Variants in GALNT18 observed in about 807,000 individuals in gnomAD.
The protein encoded by GALNT18 is polypeptide N-acetylgalactosaminyltransferase 18.
GALNT18 carries 44 observed loss-of-function variants against 69.5 expected under a neutral mutation model. That is an observed-to-expected ratio of 0.63 (90% CI 0.50 to 0.81). The LOEUF is 0.81. GALNT18 is among the 40% of genes least tolerant of loss of function. The pLI is 0.00. For synonymous variants in GALNT18, 364 were observed against 318.2 expected, an observed-to-expected ratio of 1.14 and a Z score of -1.53; for missense variants, 715 against 810.0, an observed-to-expected ratio of 0.88 and a Z score of 1.42.
At chr11:11,568,186 G>A (rs573021532) in intron 1 of GALNT18, among the ~76,000 whole-genome samples, 5 of 152,312 alleles carry the variant, frequency 3.3e-5, no homozygotes, top group African/African-American at 4.8e-5. Context: ...CACAGCCAAC[G>A]CACAGCCCAG....
intron 3 of GALNT18, among the ~76,000 whole-genome samples, chr11:11,406,140 T>C (rs1184036107): frequency 6.6e-6 from 1 of 152,208 alleles, no homozygotes; most frequent in African/African-American, 2.4e-5. Context: ...TTAATAAAAA[T>C]ATATCTGTGA....
intron 9 of GALNT18, among the ~76,000 whole-genome samples, chr11:11,325,148 A>G (rs572908346): frequency 1.3e-5 from 2 of 152,264 alleles, no homozygotes; most frequent in Non-Finnish European, 1.5e-5. Flanking sequence ...AATGTGGTAT[A>G]TATTCATCAT....
intron 10 of GALNT18, among the ~76,000 whole-genome samples, chr11:11,284,402 A>G (rs72859269): frequency 0.16 from 24,175 of 152,044 alleles, 2,072 homozygotes; most frequent in East Asian, 0.22. Flanking sequence ...AGGCCTGAAA[A>G]TGTGCCTTTT....
intron 9 of GALNT18, among the ~76,000 whole-genome samples, chr11:11,299,893 T>C (rs1458664729): frequency 6.6e-6 from 1 of 152,176 alleles, no homozygotes; most frequent in Non-Finnish European, 1.5e-5. Context: ...GGAACTACAA[T>C]TTATGTATTT....
Position 11,388,288 on chromosome 11 carries a change from T to C in GALNT18, c.596-9024A>G, listed in dbSNP as rs540243567. Among the ~76,000 whole-genome samples, 5 of 151,812 alleles carry C rather than the reference T, an allele frequency of 3.3e-5. No homozygotes were observed. In the South Asian group the frequency reaches 1.0e-3, roughly 32 times the overall value. ...CTTAGCGGGGTCGCCAAAGCCAGGC[T>C]CTCAAAACCCACAAACACCTTCTTA... On this transcript the variant is annotated intron_variant, in intron 3 of 10. Transcript: ENST00000227756.
rs1356116535 is a variant in GALNT18 at position 11,543,701 on chromosome 11, T to C, written c.235+77658A>G. Among the ~76,000 whole-genome samples the C allele has an allele frequency of 1.3e-5, 2 of 152,178 alleles. No homozygotes were observed. The highest frequency in any genetic ancestry group is 2.9e-5 in the Non-Finnish European group (2 of 68,030). ...GCGAATCCCATCCATCCCTAGGACC[T>C]AGGCTTTTACAACTGCAAAGTGAGG... On this transcript the variant is annotated intron_variant, in intron 1 of 10. Transcript: ENST00000227756. This position sits in a 1 kb window ranked among gnomAD's most constrained non-coding sequence, Gnocchi z 5.1.
intron 1 of GALNT18, among the ~76,000 whole-genome samples, chr11:11,551,397 C>T (rs1025053858): frequency 3.3e-5 from 5 of 152,208 alleles, no homozygotes; most frequent in African/African-American, 1.2e-4. Context: ...AACCCCATGA[C>T]TTCCCTTCCA....
chr11:11,325,567 GA>G (rs1381675089), intron 9 of GALNT18, among the ~76,000 whole-genome samples: 4 of 151,960 alleles, frequency 2.6e-5, no homozygotes, highest in Non-Finnish European at 5.9e-5. Context: ...GTCAACATAA[GA>G]AAATATATAT....
At chr11:11,367,262 T>C (rs577275701) in intron 6 of GALNT18, among the ~76,000 whole-genome samples, 1 of 152,064 alleles carries the variant, frequency 6.6e-6, no homozygotes, top group Non-Finnish European at 1.5e-5. Flanking sequence ...GAGCAGATAG[T>C]AAAAGGTCAT....
intron 10 of GALNT18, among the ~76,000 whole-genome samples, chr11:11,273,472 AAAGT>A (rs1416589177): frequency 6.6e-6 from 1 of 152,240 alleles, no homozygotes; most frequent in Non-Finnish European, 1.5e-5. Context: ...TTACCAGAGA[AAAGT>A]AAGCAAAAAC....
intron 3 of GALNT18, among the ~76,000 whole-genome samples, chr11:11,409,550 C>G (rs1195433470): frequency 2.6e-5 from 4 of 152,082 alleles, no homozygotes; most frequent in Admixed American, 6.6e-5. Flanking sequence ...AAAGTGAAGC[C>G]CCATGATACA....
Position 11,555,898 on chromosome 11 carries a change from C to T in GALNT18, c.235+65461G>A, listed in dbSNP as rs758634612. Among the ~76,000 whole-genome samples the T allele has an allele frequency of 1.2e-4, 19 of 152,322 alleles. No homozygotes were observed. The highest frequency in any genetic ancestry group is 2.5e-4 in the Non-Finnish European group (17 of 68,032). On this transcript the variant is annotated intron_variant, in intron 1 of 10. Coordinates refer to ENST00000227756, the MANE Select transcript of GALNT18 (RefSeq NM_198516.3). This position sits in a 1 kb window ranked among gnomAD's most constrained non-coding sequence, Gnocchi z 4.7. Reference sequence around the variant, plus strand: ...CATATCAGGAAAGAGGCTGGGGTCTCACGAGAATGCAGAGCAGGATCATCT... The same window carrying T: ...CATATCAGGAAAGAGGCTGGGGTCTTACGAGAATGCAGAGCAGGATCATCT...
At chr11:11,291,406 A>T (rs1849294032) in intron 10 of GALNT18, among the ~76,000 whole-genome samples, 1 of 152,234 alleles carries the variant, frequency 6.6e-6, no homozygotes. Context: ...TTCCTCATCT[A>T]TGAGGTCAGG....
In GALNT18 at chr11:11,347,004, C is replaced by T. The variant is rs1011627249; in HGVS notation, c.1093-6000G>A. The stretch of plus-strand genomic sequence containing the variant: ...TATGACAAGCTCCCACGAGCAAAGG[C>T]GGGCATGTAGTGGGTTCTCAGGGAG... On this transcript the variant is annotated intron_variant, in intron 6 of 10. Coordinates refer to ENST00000227756, the MANE Select transcript of GALNT18 (RefSeq NM_198516.3). The surrounding 1 kb of genome is among the most constrained non-coding windows in gnomAD (Gnocchi z 4.0). Among the ~76,000 whole-genome samples, 7 of 152,186 alleles carry T rather than the reference C, an allele frequency of 4.6e-5. No individual in the cohort carries two copies. Among genetic ancestry groups the T allele is most frequent in the Admixed American group, 4.6e-4 (7 of 15,278 alleles).
chr11:11,354,706 G>A (rs7941304), intron 6 of GALNT18, among the ~76,000 whole-genome samples: 102,742 of 151,650 alleles, frequency 0.68, 35,257 homozygotes, highest in African/African-American at 0.74. Context: ...TCGGGACAGG[G>A]GAAAACACAC....
rs375227857 is a variant in GALNT18 at position 11,564,468 on chromosome 11, C to A, written c.235+56891G>T. Among the ~76,000 whole-genome samples the A allele has an allele frequency of 3.8e-4, 58 of 152,346 alleles. No homozygotes were observed. Among genetic ancestry groups the A allele is most frequent in the African/African-American group, 1.3e-3 (56 of 41,574 alleles). On this transcript the variant is annotated intron_variant, in intron 1 of 10. Transcript: ENST00000227756. This position sits in a 1 kb window ranked among gnomAD's most constrained non-coding sequence, Gnocchi z 4.3. ...CACATGAGACCCCCCTGGGTCTTCT[C>A]ATCCATGCCTCCCTTCTTTTCTTCC...
rs1374726485 is a variant in GALNT18 at position 11,459,813 on chromosome 11, T to C, written c.236-10877A>G. The stretch of plus-strand genomic sequence containing the variant: ...AACCACAAACTTAGTAGCTTGACAA[T>C]GCAGACATGCTATCTTACAGTTCTG... On this transcript the variant is annotated intron_variant, in intron 1 of 10. Transcript: ENST00000227756. This position sits in a 1 kb window ranked among gnomAD's most constrained non-coding sequence, Gnocchi z 5.0. Among the ~76,000 whole-genome samples the C allele has an allele frequency of 6.6e-6, 1 of 152,208 alleles. No homozygotes were observed. The highest frequency in any genetic ancestry group is 1.5e-5 in the Non-Finnish European group (1 of 68,040).
chr11:11,344,833 C>T (rs551304036), intron 6 of GALNT18, among the ~76,000 whole-genome samples: 13 of 152,176 alleles, frequency 8.5e-5, no homozygotes, highest in Middle Eastern at 3.4e-3. Flanking sequence ...CTGGCCTCAC[C>T]GAGTGCTTGT....
chr11:11,609,389 T>G (rs907553165), intron 1 of GALNT18, among the ~76,000 whole-genome samples: 1 of 152,184 alleles, frequency 6.6e-6, no homozygotes, highest in Non-Finnish European at 1.5e-5. Context: ...TCCCTCCGCC[T>G]GGCACTCTCT....
Sources: allele counts gnomAD v4.1 joint callset (sites outside exome capture counted in the v4.1 genomes callset), GRCh38; gene constraint gnomAD v4.1.1; non-coding constraint Gnocchi (gnomAD v3.1); transcripts MANE v1.5; gene names NCBI Gene and HGNC (gene_info 2026-07-23, HGNC 2026-07-21).